Variants in PRRX2 observed in about 807,000 individuals in gnomAD.
The protein encoded by PRRX2 is paired mesoderm homeobox protein 2.
In PRRX2, 11 loss-of-function variants were observed where a neutral mutation model predicts 18.0. The observed-to-expected ratio is 0.61, with a 90% CI of 0.39 to 1.01. The LOEUF is 1.01. Ranked by LOEUF, PRRX2 falls within the 50% of genes least tolerant of loss-of-function variation. PRRX2 has a pLI of 0.01. For missense variants in PRRX2, 387 were observed against 351.0 expected, an observed-to-expected ratio of 1.10 and a Z score of -0.82; for synonymous variants, 177 against 154.8, an observed-to-expected ratio of 1.14 and a Z score of -1.06.
chr9:129,722,156 C>T lies in PRRX2; in HGVS notation c.627-61C>T, dbSNP rs948301835. On this transcript the variant is annotated intron_variant, in intron 3 of 3. Transcript: ENST00000372469. ...GGGTGGCAGGACCAGAGGCTGGGGT[C>T]GAGCACTGATACCCAGAAGCCAACC... 1.6e-5 allele frequency: 25 copies of T among 1,576,450 alleles called. No homozygotes were observed. In the African/African-American group the frequency reaches 1.6e-4, roughly 10 times the overall value.
chr9:129,705,812 A>G (rs374071498), intron 1 of PRRX2, among the ~76,000 whole-genome samples: 15 of 150,332 alleles, frequency 1.0e-4, no homozygotes, highest in African/African-American at 3.4e-4. Flanking sequence ...ACGGTGGCTC[A>G]TGCCTGTAAT....
chr9:129,700,369 C>T (rs534469059), intron 1 of PRRX2, among the ~76,000 whole-genome samples: 3 of 149,068 alleles, frequency 2.0e-5, no homozygotes, highest in South Asian at 2.1e-4. Flanking sequence ...GATGAAGCCT[C>T]GCTCTGTCGC....
chr9:129,681,498 C>T lies in PRRX2; in HGVS notation c.259+15372C>T, dbSNP rs569615067. Among the ~76,000 whole-genome samples the T allele has an allele frequency of 3.2e-4, 48 of 151,962 alleles. No homozygotes were observed. In the East Asian group the frequency reaches 5.2e-3, roughly 17 times the overall value. On this transcript the variant is annotated intron_variant, in intron 1 of 3. Coordinates refer to ENST00000372469, the MANE Select transcript of PRRX2 (RefSeq NM_016307.4). ...TCATGCCACTGCACTCCAGCCTGGG[C>T]GACAGAGCAAGACTCCATTTCAAAA...
chr9:129,691,589 A>G (rs1313069749), intron 1 of PRRX2, among the ~76,000 whole-genome samples: 1 of 152,066 alleles, frequency 6.6e-6, no homozygotes, highest in Non-Finnish European at 1.5e-5. Flanking sequence ...TACCCCAGAA[A>G]TTGACAAACA....
Position 129,716,454 on chromosome 9 carries a change from C to CTT in PRRX2, c.260-2761_260-2760dup, listed in dbSNP as rs71497484. On this transcript the variant is annotated intron_variant, in intron 1 of 3. Coordinates refer to ENST00000372469, the MANE Select transcript of PRRX2 (RefSeq NM_016307.4). ...GAACAGTACATACTATGCTTTCTTT[C>CTT]TTTTTTTTTTTTTTTTTGAGACAAG... 1.4e-3 allele frequency among the ~76,000 whole-genome samples: 188 copies of CTT among 137,172 alleles called. 1 individual carries two copies. Among genetic ancestry groups the CTT allele is most frequent in the Admixed American group, 3.6e-3 (49 of 13,600 alleles). 90.0% of individuals were successfully genotyped at this position (137,172 alleles called of 152,430 possible).
intron 1 of PRRX2, among the ~76,000 whole-genome samples, chr9:129,666,365 G>T (rs1330871238): frequency 6.6e-6 from 1 of 152,122 alleles, no homozygotes; most frequent in Non-Finnish European, 1.5e-5. Flanking sequence ...CGCTGCCTTC[G>T]CTCCCCAGTA....
chr9:129,700,502 G>C (rs12005065), intron 1 of PRRX2, among the ~76,000 whole-genome samples: 21,960 of 150,806 alleles, frequency 0.15, 2,111 homozygotes, highest in East Asian at 0.36. Context: ...GCTAATTTTT[G>C]TATTTTTAGT....
At chr9:129,667,416 G>T (rs1222322213) in intron 1 of PRRX2, among the ~76,000 whole-genome samples, 2 of 152,204 alleles carry the variant, frequency 1.3e-5, no homozygotes, top group Non-Finnish European at 2.9e-5. Flanking sequence ...GGACCTCAGC[G>T]GCTCTGAGCC....
At chr9:129,703,774 G>T (rs1832528113) in intron 1 of PRRX2, among the ~76,000 whole-genome samples, 1 of 152,212 alleles carries the variant, frequency 6.6e-6, no homozygotes, top group South Asian at 2.1e-4. Context: ...CGCCATTGGA[G>T]CTTTGCCGAG....
At position 129,671,065 on chromosome 9, in the gene PRRX2, G is replaced by A. The variant is rs1832093681; in HGVS notation, c.259+4939G>A. Among the ~76,000 whole-genome samples, 1 of 152,236 alleles carries A rather than the reference G, an allele frequency of 6.6e-6. No individual in the cohort carries two copies. On this transcript the variant is annotated intron_variant, in intron 1 of 3. Coordinates refer to ENST00000372469, the MANE Select transcript of PRRX2 (RefSeq NM_016307.4). The surrounding 1 kb of genome is among the most constrained non-coding windows in gnomAD (Gnocchi z 4.0). The stretch of plus-strand genomic sequence containing the variant: ...GTGGGAGATGGCGTACAAGGGTTGG[G>A]AGGCCCTCCCGACTGAGATGATTTG...
chr9:129,697,915 A>G (rs1832447656), intron 1 of PRRX2, among the ~76,000 whole-genome samples: 1 of 151,998 alleles, frequency 6.6e-6, no homozygotes, highest in Non-Finnish European at 1.5e-5. Flanking sequence ...CCTTTGGGGC[A>G]TGCGAGAAAC....
chr9:129,707,589 G>A (rs536227088), intron 1 of PRRX2, among the ~76,000 whole-genome samples: 3 of 152,050 alleles, frequency 2.0e-5, no homozygotes, highest in East Asian at 1.9e-4. Context: ...TCAGGAGTTC[G>A]AGACCAGCCT....
At chr9:129,674,410 TG>T (rs1470721783) in intron 1 of PRRX2, among the ~76,000 whole-genome samples, 2 of 151,988 alleles carry the variant, frequency 1.3e-5, no homozygotes, top group Non-Finnish European at 2.9e-5. Flanking sequence ...CCTTCCAGTT[TG>T]GGGGCGGTAG....
chr9:129,678,827 A>T (rs530706289), intron 1 of PRRX2, among the ~76,000 whole-genome samples: 1 of 152,260 alleles, frequency 6.6e-6, no homozygotes, highest in East Asian at 1.9e-4. Context: ...TTACGGTCAC[A>T]TGGGAAGCCA....
At chr9:129,677,514 G>A (rs1588162677) in intron 1 of PRRX2, among the ~76,000 whole-genome samples, 1 of 152,222 alleles carries the variant, frequency 6.6e-6, no homozygotes, top group Non-Finnish European at 1.5e-5. Flanking sequence ...CCCGGTTCCT[G>A]CCTGGAGAGC....
At position 129,675,960 on chromosome 9, in the gene PRRX2, A is replaced by G. The variant is rs148009275; in HGVS notation, c.259+9834A>G. On this transcript the variant is annotated intron_variant, in intron 1 of 3. Transcript: ENST00000372469. This position sits in a 1 kb window ranked among gnomAD's most constrained non-coding sequence, Gnocchi z 4.4. ...AAACAGCTGTTAACAGCAGCCCTCT[A>G]ATGCTCTCAAGATGGTGCCTCAGGC... Among the ~76,000 whole-genome samples, 4 of 152,152 alleles carry G rather than the reference A, an allele frequency of 2.6e-5. No individual in the cohort carries two copies. The highest frequency in any genetic ancestry group is 7.2e-5 in the African/African-American group (3 of 41,442).
intron 1 of PRRX2, among the ~76,000 whole-genome samples, chr9:129,697,517 C>A (rs999314688): frequency 4.0e-5 from 6 of 151,152 alleles, no homozygotes; most frequent in Non-Finnish European, 8.9e-5. Context: ...CCGCTCTGGC[C>A]GCCACCAGCG....
intron 1 of PRRX2, among the ~76,000 whole-genome samples, chr9:129,703,810 C>T (rs1832528819): frequency 6.6e-6 from 1 of 152,310 alleles, no homozygotes; most frequent in Non-Finnish European, 1.5e-5. Flanking sequence ...CATTTTCCAG[C>T]ACTGCCCGGA....
At chr9:129,666,436 CAG>C (rs1488763907) in intron 1 of PRRX2, among the ~76,000 whole-genome samples, 1 of 152,170 alleles carries the variant, frequency 6.6e-6, no homozygotes, top group Non-Finnish European at 1.5e-5. Flanking sequence ...ACTGGGGAAA[CAG>C]AGACCTGAGT....
Sources: gnomAD v4.1 joint callset for allele counts (sites outside exome capture counted in the v4.1 genomes callset) on GRCh38, gnomAD v4.1.1 for gene constraint, Gnocchi (gnomAD v3.1) non-coding constraint, MANE v1.5 for transcripts, NCBI Gene and HGNC (gene_info 2026-07-23, HGNC 2026-07-21) for gene names.